The following KSR2 variants were observed in gnomAD, a reference collection of about 807,000 sequenced individuals.
KSR2 encodes kinase suppressor of ras 2.
Under a neutral mutation model 107.8 loss-of-function variants are expected in KSR2, and 25 were observed. The observed-to-expected ratio is 0.23, with a 90% CI of 0.17 to 0.32. The LOEUF is 0.32. Ranked by LOEUF, KSR2 falls within the 10% of genes least tolerant of loss-of-function variation. The probability of loss-of-function intolerance (pLI) is 1.00; values close to 1 mark genes in which losing one functional copy is unlikely to be tolerated. For synonymous variants in KSR2, 480 were observed against 507.0 expected, an observed-to-expected ratio of 0.95 and a Z score of 0.71; for missense variants, 887 against 1,268.9, an observed-to-expected ratio of 0.70 and a Z score of 4.57.
chr12:117,867,550 C>T (rs1893516183), intron 1 of KSR2, among the ~76,000 whole-genome samples: 1 of 152,164 alleles, frequency 6.6e-6, no homozygotes, highest in Non-Finnish European at 1.5e-5. Context: ...ATGTGACTTG[C>T]CTCGGCCAAT....
At chr12:117,555,071 G>A (rs1877568076) in intron 9 of KSR2, 98 bp downstream of exon 9, 3 of 1,464,086 alleles carry the variant, frequency 2.0e-6, no homozygotes, top group Admixed American at 3.6e-5. Context: ...CGGGCTAGGA[G>A]GGAGCGCCAT....
chr12:117,713,226 T>C (rs919845375), intron 4 of KSR2, among the ~76,000 whole-genome samples: 38 of 151,700 alleles, frequency 2.5e-4, no homozygotes, highest in African/African-American at 7.5e-4. Context: ...AGATAATAGA[T>C]ACAGATATAT....
intron 8 of KSR2, among the ~76,000 whole-genome samples, chr12:117,556,231 G>A (rs911244252): frequency 5.9e-5 from 9 of 152,036 alleles, no homozygotes; most frequent in African/African-American, 1.7e-4. Flanking sequence ...GTGGGAGGGA[G>A]CCCTTCTTCA....
At chr12:117,862,584 G>A (rs1893336780) in intron 1 of KSR2, among the ~76,000 whole-genome samples, 1 of 152,290 alleles carries the variant, frequency 6.6e-6, no homozygotes, top group East Asian at 1.9e-4. Context: ...GGTGGAGGCT[G>A]CAGTGAGCCA....
intron 1 of KSR2, among the ~76,000 whole-genome samples, chr12:117,962,963 T>C (rs1275572456): frequency 6.6e-6 from 1 of 150,536 alleles, no homozygotes; most frequent in African/African-American, 2.4e-5. Flanking sequence ...GGTGGGCGGA[T>C]CACTGGAGGT....
At chr12:117,557,319 C>G (rs1877773245) in intron 8 of KSR2, among the ~76,000 whole-genome samples, 1 of 152,160 alleles carries the variant, frequency 6.6e-6, no homozygotes, top group South Asian at 2.1e-4. Flanking sequence ...TCCAGTGTCC[C>G]ACAGCCCGCT....
At chr12:117,777,142 TA>T (rs1889722860) in intron 3 of KSR2, among the ~76,000 whole-genome samples, 3 of 141,534 alleles carry the variant, frequency 2.1e-5, no homozygotes, top group Admixed American at 7.3e-5. Flanking sequence ...CACTATATTA[TA>T]TATATATATA....
chr12:117,588,888 C>A (rs1044785618), intron 5 of KSR2, among the ~76,000 whole-genome samples: 1 of 152,188 alleles, frequency 6.6e-6, no homozygotes, highest in Admixed American at 6.5e-5. Flanking sequence ...GGATAATGCA[C>A]ACAGAGTATT....
At chr12:117,472,237 AG>A (rs1227971318) in intron 17 of KSR2, among the ~76,000 whole-genome samples, 2 of 152,214 alleles carry the variant, frequency 1.3e-5, no homozygotes, top group Non-Finnish European at 2.9e-5. Context: ...ATTATTCTAG[AG>A]GGATTTACCA....
rs567817548 is a variant in KSR2 at position 117,704,695 on chromosome 12, T to C, written c.987-37037A>G. On this transcript the variant is annotated intron_variant, in intron 4 of 19. Transcript: ENST00000339824. Reference sequence around the variant, plus strand: ...CAACACAGTGAAACCCCATCTCTACTAAAAATACAAAACATTAGCTGGGCA... The same window carrying C: ...CAACACAGTGAAACCCCATCTCTACCAAAAATACAAAACATTAGCTGGGCA... 2.6e-5 allele frequency among the ~76,000 whole-genome samples: 4 copies of C among 152,128 alleles called. No homozygotes were observed. The South Asian group carries it at 8.3e-4, about 32-fold the overall frequency.
intron 5 of KSR2, among the ~76,000 whole-genome samples, chr12:117,586,583 GAAA>G (rs60193111): frequency 3.7e-5 from 2 of 54,728 alleles, no homozygotes; most frequent in African/African-American, 7.4e-5. Context: ...GCCAAACTCC[GAAA>G]AAAAAAAAAA....
intron 1 of KSR2, among the ~76,000 whole-genome samples, chr12:117,885,726 C>A (rs1009289453): frequency 1.3e-5 from 2 of 151,400 alleles, no homozygotes; most frequent in African/African-American, 4.9e-5. Context: ...AGGACTAATA[C>A]CTAATGCCTG....
At chr12:117,559,699 G>A (rs115759604) in intron 7 of KSR2, among the ~76,000 whole-genome samples, 2 of 152,308 alleles carry the variant, frequency 1.3e-5, no homozygotes, top group Admixed American at 6.5e-5. Context: ...CCTTTGAGAG[G>A]AGCCAAAGAG....
chr12:117,706,380 C>G (rs1886532300), intron 4 of KSR2, among the ~76,000 whole-genome samples: 1 of 152,150 alleles, frequency 6.6e-6, no homozygotes, highest in African/African-American at 2.4e-5. Flanking sequence ...TAATTACCAA[C>G]CCCATTTCAC....
intron 3 of KSR2, among the ~76,000 whole-genome samples, chr12:117,762,422 G>C (rs185875659): frequency 2.4e-4 from 37 of 152,236 alleles, no homozygotes; most frequent in African/African-American, 7.9e-4. Context: ...CCTTTGCTTG[G>C]AAAAGACACA....
chr12:117,691,809 C>T (rs1206977662), intron 4 of KSR2, among the ~76,000 whole-genome samples: 1 of 152,240 alleles, frequency 6.6e-6, no homozygotes, highest in Non-Finnish European at 1.5e-5. Context: ...AAGAAGTGTT[C>T]ATGTCTCCTG....
intron 5 of KSR2, among the ~76,000 whole-genome samples, chr12:117,635,990 C>T (rs1031334014): frequency 2.6e-5 from 4 of 152,150 alleles, no homozygotes; most frequent in Admixed American, 2.0e-4. Context: ...TAGGGTTTCT[C>T]CATGTTGGCC....
At chr12:117,602,292 C>T (rs1033711865) in intron 5 of KSR2, among the ~76,000 whole-genome samples, 4 of 152,158 alleles carry the variant, frequency 2.6e-5, no homozygotes, top group Non-Finnish European at 5.9e-5. Context: ...GCCTTTAACA[C>T]GTTCACAGTG....
At chr12:117,472,783 G>A (rs1002989727) in intron 17 of KSR2, among the ~76,000 whole-genome samples, 28 of 152,180 alleles carry the variant, frequency 1.8e-4, no homozygotes, top group Admixed American at 6.5e-5. Context: ...TGCTTATTGA[G>A]GTTTTACTCT....
Sources: allele counts gnomAD v4.1 joint callset (sites outside exome capture counted in the v4.1 genomes callset), GRCh38; gene constraint gnomAD v4.1.1; transcripts MANE v1.5; gene names NCBI Gene and HGNC (gene_info 2026-07-23, HGNC 2026-07-21).